The following TSHZ2 variants were observed in gnomAD, a reference collection of about 807,000 sequenced individuals.
TSHZ2 encodes the protein teashirt homolog 2.
Under a neutral mutation model 74.4 loss-of-function variants are expected in TSHZ2, and 21 were observed. The observed-to-expected ratio is 0.28, with a 90% CI of 0.20 to 0.41. The LOEUF (loss-of-function observed/expected upper bound fraction) is 0.41, where lower values mean the gene tolerates loss of function less well. Ranked by LOEUF, TSHZ2 falls within the 10% of genes least tolerant of loss-of-function variation. TSHZ2 has a pLI of 1.00. For synonymous variants in TSHZ2, 540 were observed against 515.3 expected (o/e 1.05, Z -0.65); for missense variants, 1,244 against 1,293.5 (o/e 0.96, Z 0.59).
Position 53,473,383 on chromosome 20 carries a change from C to A in TSHZ2, c.*9-13761C>A, listed in dbSNP as rs185360458. ...CGAGCAGCCTAACTGGCAGGCACCC[C>A]CCAGCAGGGGCACACTGACACCTCA... On this transcript the variant is annotated intron_variant, in intron 2 of 2. Transcript: ENST00000371497. Among the ~76,000 whole-genome samples, 9 of 142,332 alleles carry A rather than the reference C, an allele frequency of 6.3e-5. No homozygotes were observed. In the East Asian group the frequency reaches 2.0e-3, roughly 31 times the overall value. The allele number at this position is 142,332 out of a possible 152,430, so 93.4% of individuals were successfully genotyped here.
rs752367353 is a variant in TSHZ2, at chr20:53,195,282, TACAC to T, written c.41-58207_41-58204del. 4.4e-3 allele frequency among the ~76,000 whole-genome samples: 671 copies of T among 152,062 alleles called. 5 individuals carry two copies. Among genetic ancestry groups the T allele is most frequent in the Non-Finnish European group, 5.4e-3 (367 of 67,984 alleles). The stretch of plus-strand genomic sequence containing the variant: ...GAAAAAATAAATAAATATATATATA[TACAC>T]ACACACACATATATATTCTTGGGAT... On this transcript the variant is annotated intron_variant, in intron 1 of 2. Coordinates refer to ENST00000371497, the MANE Select transcript of TSHZ2 (RefSeq NM_173485.6).
At chr20:53,006,312 C>T (rs894880601) in intron 1 of TSHZ2, among the ~76,000 whole-genome samples, 1 of 152,190 alleles carries the variant, frequency 6.6e-6, no homozygotes, top group Non-Finnish European at 1.5e-5. Context: ...TTTTCCCTAA[C>T]GTTAAGTATT....
intron 1 of TSHZ2, among the ~76,000 whole-genome samples, chr20:53,204,482 T>C (rs545649196): frequency 6.6e-6 from 1 of 151,954 alleles, no homozygotes; most frequent in South Asian, 2.1e-4. Context: ...GATATAGTTA[T>C]ATAAATCAAT....
chr20:52,991,766 T>C (rs1168170307), intron 1 of TSHZ2, among the ~76,000 whole-genome samples: 1 of 148,266 alleles, frequency 6.7e-6, no homozygotes, highest in Non-Finnish European at 1.5e-5. Context: ...CATGATTTTG[T>C]GTGGATTATG....
chr20:53,488,835 TAAAAA>T lies in TSHZ2; in HGVS notation c.*1711_*1715del, dbSNP rs11481015. The T allele has an allele frequency of 1.3e-5, 4 of 304,162 alleles. No individual in the cohort carries two copies. Among genetic ancestry groups the T allele is most frequent in the African/African-American group, 9.4e-5 (4 of 42,774 alleles). 18.8% of individuals were successfully genotyped at this position (304,162 alleles called of 1,614,324 possible). On this transcript the variant is annotated 3_prime_UTR_variant, in exon 3 of 3. Transcript: ENST00000371497. ...TGATCCCTAAATTCAACATTGGGAT[TAAAAA>T]AAAAAAAAAACTTCTTATTTACCTC...
At chr20:53,189,582 A>C (rs1204432459) in intron 1 of TSHZ2, among the ~76,000 whole-genome samples, 2 of 152,222 alleles carry the variant, frequency 1.3e-5, no homozygotes, top group Non-Finnish European at 2.9e-5. Flanking sequence ...TAAGCACCAT[A>C]TTCAGACCAC....
chr20:53,237,319 G>A (rs1568827833), intron 1 of TSHZ2, among the ~76,000 whole-genome samples: 1 of 152,140 alleles, frequency 6.6e-6, no homozygotes, highest in Non-Finnish European at 1.5e-5. Flanking sequence ...TTGGAGCCCA[G>A]CTTAGCTCTC....
intron 2 of TSHZ2, among the ~76,000 whole-genome samples, chr20:53,272,038 A>G (rs1221640591): frequency 6.7e-6 from 1 of 149,702 alleles, no homozygotes; most frequent in African/African-American, 2.5e-5. Context: ...TTTGTGACGG[A>G]GTCTTGTTCT....
intron 1 of TSHZ2, among the ~76,000 whole-genome samples, chr20:53,019,960 G>C (rs934370341): frequency 2.0e-5 from 3 of 152,120 alleles, no homozygotes; most frequent in East Asian, 1.9e-4. Context: ...TGCATGACTG[G>C]AGAGGCCTCA....
At chr20:53,080,369 A>T (rs1985494586) in intron 1 of TSHZ2, among the ~76,000 whole-genome samples, 1 of 152,212 alleles carries the variant, frequency 6.6e-6, no homozygotes, top group Non-Finnish European at 1.5e-5. Context: ...ACAGGAAATG[A>T]TATTGTTGTA....
chr20:53,185,627 G>C (rs6097286), intron 1 of TSHZ2: 2 of 1,533,924 alleles, frequency 1.3e-6, no homozygotes, highest in Admixed American at 3.9e-5. Flanking sequence ...CTCAAAAAAA[G>C]AAAAAAAAGA....
At chr20:53,269,781 A>G (rs1990794656) in intron 2 of TSHZ2, among the ~76,000 whole-genome samples, 1 of 150,844 alleles carries the variant, frequency 6.6e-6, no homozygotes, top group Admixed American at 6.7e-5. Flanking sequence ...CATGTACCCT[A>G]AAACTTAGAG....
chr20:53,287,893 T>A (rs550851610), intron 2 of TSHZ2, among the ~76,000 whole-genome samples: 11 of 152,326 alleles, frequency 7.2e-5, no homozygotes, highest in African/African-American at 2.6e-4. Context: ...ATGGAAAATT[T>A]TATATTCTAT....
chr20:53,051,510 G>A (rs1984468965), intron 1 of TSHZ2, among the ~76,000 whole-genome samples: 1 of 146,764 alleles, frequency 6.8e-6, no homozygotes, highest in Non-Finnish European at 1.5e-5. Context: ...AGGTGGATTT[G>A]CACTGGAGCC....
At chr20:53,474,459 A>G (rs1288207538) in intron 2 of TSHZ2, among the ~76,000 whole-genome samples, 1 of 102,204 alleles carries the variant, frequency 9.8e-6, no homozygotes, top group Non-Finnish European at 1.9e-5. Flanking sequence ...GCAAATGCTG[A>G]GAGATTTTGT....
intron 2 of TSHZ2, among the ~76,000 whole-genome samples, chr20:53,433,962 G>A (rs376398250): frequency 3.9e-5 from 6 of 152,100 alleles, no homozygotes; most frequent in East Asian, 1.9e-4. Context: ...TCCACCTCCC[G>A]AGTTCAAGCA....
intron 1 of TSHZ2, among the ~76,000 whole-genome samples, chr20:53,113,606 G>A (rs1030856254): frequency 2.0e-5 from 3 of 152,122 alleles, no homozygotes; most frequent in Non-Finnish European, 4.4e-5. Context: ...CTAAAGAGAG[G>A]TTTCAGAATA....
chr20:53,124,474 A>G (rs560582533), intron 1 of TSHZ2, among the ~76,000 whole-genome samples: 4 of 152,354 alleles, frequency 2.6e-5, no homozygotes, highest in Non-Finnish European at 5.9e-5. Flanking sequence ...GAGACAGATC[A>G]CATTTTTGAA....
At chr20:53,117,633 AT>A (rs1252374387) in intron 1 of TSHZ2, among the ~76,000 whole-genome samples, 1 of 152,234 alleles carries the variant, frequency 6.6e-6, no homozygotes, top group East Asian at 1.9e-4. Flanking sequence ...TTGTGCAAAT[AT>A]TTAGAACAAG....
Sources: gnomAD v4.1 joint callset for allele counts (sites outside exome capture counted in the v4.1 genomes callset) on GRCh38, gnomAD v4.1.1 for gene constraint, MANE v1.5 for transcripts, NCBI Gene and HGNC (gene_info 2026-07-23, HGNC 2026-07-21) for gene names.